Variants in ELF3 observed in about 807,000 individuals in gnomAD.
ELF3 encodes the protein E74 like ETS transcription factor 3, also known as ETS-related transcription factor Elf-3.
ELF3 carries 18 observed loss-of-function variants against 43.9 expected under a neutral mutation model. The observed-to-expected ratio is 0.41, with a 90% confidence interval of 0.28 to 0.61. The LOEUF is 0.61. Among genes scored for constraint, ELF3 ranks in the 20% least tolerant of loss-of-function variants. The pLI, the probability that ELF3 is intolerant of heterozygous loss-of-function variation, is 0.30. For missense variants in ELF3, 373 were observed against 487.7 expected (o/e 0.76, Z 2.21); for synonymous variants, 181 against 190.2 (o/e 0.95, Z 0.40).
At position 202,012,882 on chromosome 1, in the gene ELF3, G is replaced by A; in HGVS notation, c.599-65G>A. On this transcript the variant is annotated intron_variant, in intron 5 of 8. Transcript: ENST00000367284. The surrounding 1 kb of genome is among the most constrained non-coding windows in gnomAD (Gnocchi z 4.2). The stretch of plus-strand genomic sequence containing the variant: ...GAACAGGCTGGGAAGTGTGTCCTGA[G>A]AGCCAGCAGCGTGGTTGAGCAGAGG... 5.1e-6 allele frequency: 8 copies of A among 1,566,278 alleles called. No homozygotes were observed. The highest frequency in any genetic ancestry group is 1.2e-5 in the South Asian group (1 of 81,716).
At position 202,012,705 on chromosome 1, in the gene ELF3, G is replaced by C. The variant is rs780575188; in HGVS notation, c.544G>C (p.Gly182Arg). The change falls in exon 5 of 9, where the codon GGC becomes CGC. Residue 182 changes from glycine (G) to arginine (R), a missense_variant. Gly to Arg is a moderately radical substitution (Grantham distance 125, BLOSUM62 -2). Coordinates refer to ENST00000367284, the MANE Select transcript of ELF3 (RefSeq NM_004433.5). The surrounding 1 kb of genome is among the most constrained non-coding windows in gnomAD (Gnocchi z 4.2). ...TCAGCAAGCCAGCCCCTACCACCCC[G>C]GCAGCTGTGGCGCAGGAGCCCCCTC... is the stretch of plus-strand genomic sequence containing the variant. Reference protein sequence around the residue: ...DGQQASPYHPGSCGAGAPSPG... With the variant: ...DGQQASPYHPRSCGAGAPSPG... The C allele has an allele frequency of 6.2e-7, 1 of 1,606,806 alleles. No individual in the cohort carries two copies. The highest frequency in any genetic ancestry group is 1.3e-5 in the African/African-American group (1 of 74,740).
chr1:202,012,313 G>T lies in ELF3; in HGVS notation c.386-31G>T. ...GAGAGCCCTTGAGGGAGGGATTAGG[G>T]GAGTGTGACCCTTCCTTCCTTCCTT... is the stretch of plus-strand genomic sequence containing the variant. On this transcript the variant is annotated intron_variant, in intron 3 of 8. Transcript: ENST00000367284. The surrounding 1 kb of genome is among the most constrained non-coding windows in gnomAD (Gnocchi z 4.2). The T allele has an allele frequency of 6.2e-7, 1 of 1,612,806 alleles. No homozygotes were observed. Among genetic ancestry groups the T allele is most frequent in the Non-Finnish European group, 8.5e-7 (1 of 1,179,194 alleles).
chr1:202,015,030 C>T lies in ELF3; in HGVS notation c.1002-179C>T, dbSNP rs547955018. 10 of 584,888 alleles carry T rather than the reference C, an allele frequency of 1.7e-5. No individual in the cohort carries two copies. The African/African-American group carries it at 1.9e-4, about 11-fold the overall frequency. 36.2% of individuals were successfully genotyped at this position (584,888 alleles called of 1,614,324 possible). Reference sequence around the variant, plus strand: ...GTTACAGGCCAGTGTAGGGAAAGAGCTTCTGCTTGCCAGTGTGAAGAACAG... The same window carrying T: ...GTTACAGGCCAGTGTAGGGAAAGAGTTTCTGCTTGCCAGTGTGAAGAACAG... On this transcript the variant is annotated intron_variant, in intron 8 of 8. Coordinates refer to ENST00000367284, the MANE Select transcript of ELF3 (RefSeq NM_004433.5).
At chr1:202,011,443 T>TG (rs1684193813) in intron 2 of ELF3, 144 bp downstream of exon 2, 1 of 1,038,800 alleles carries the variant, frequency 9.6e-7, no homozygotes, top group African/African-American at 1.7e-5. Context: ...ACTGAGGTGC[T>TG]GGGGGTTGTG....
rs1684300537 is a variant in ELF3 at position 202,015,878 on chromosome 1, A to G, written c.*555A>G. 2 of 160,008 alleles carry G rather than the reference A, an allele frequency of 1.2e-5. No homozygotes were observed. Among genetic ancestry groups the G allele is most frequent in the Admixed American group, 1.2e-4 (2 of 17,302 alleles). 9.9% of individuals were successfully genotyped at this position (160,008 alleles called of 1,614,324 possible). A position where few individuals can be genotyped will look rare whatever the true frequency, so the allele number is the denominator to read the frequency against. ...ATTCCCCTCCCCACTCCTCTCCCAC[A>G]GAGTGCTGGACTGTTCCAGGCCCTC... is the stretch of plus-strand genomic sequence containing the variant. On this transcript the variant is annotated 3_prime_UTR_variant, in exon 9 of 9. Transcript: ENST00000367284.
rs879094074 is a variant in ELF3 at position 202,010,711 on chromosome 1, G to A, written c.-9+5G>A. On this transcript the variant is annotated splice_donor_5th_base_variant and intron_variant, in intron 1 of 8. Transcript: ENST00000367284. This position sits in a 1 kb window ranked among gnomAD's most constrained non-coding sequence, Gnocchi z 4.3. Reference sequence around the variant, plus strand: ...CAGCCGGACTCCGCCACTCCGGTAGGATTCCCCGCCTGTCATTCCCTAGCC... The same window carrying A: ...CAGCCGGACTCCGCCACTCCGGTAGAATTCCCCGCCTGTCATTCCCTAGCC... 6.2e-6 allele frequency: 1 copy of A among 160,470 alleles called. No individual in the cohort carries two copies. Among genetic ancestry groups the A allele is most frequent in the Admixed American group, 6.1e-5 (1 of 16,438 alleles). 9.9% of individuals were successfully genotyped at this position (160,470 alleles called of 1,614,324 possible).
At chr1:202,011,473 G>C in intron 2 of ELF3, 174 bp downstream of exon 2, 1 of 762,978 alleles carries the variant, frequency 1.3e-6, no homozygotes, top group South Asian at 2.2e-5. Context: ...CAGGCAGAGG[G>C]AGGTGTCAGA....
In ELF3 at chr1:202,013,772, T is replaced by G; in HGVS notation, c.806-57T>G. ...GTGCACTGGGGCGGGCAGGGCTGGC[T>G]GGCCTTGGGTGAGAGGGGACACCTG... On this transcript the variant is annotated intron_variant, in intron 7 of 8. Transcript: ENST00000367284. The surrounding 1 kb of genome is among the most constrained non-coding windows in gnomAD (Gnocchi z 5.7). The G allele has an allele frequency of 1.9e-6, 3 of 1,552,200 alleles. No individual in the cohort carries two copies. The highest frequency in any genetic ancestry group is 2.6e-6 in the Non-Finnish European group (3 of 1,146,806).
At position 202,012,026 on chromosome 1, in the gene ELF3, A is replaced by G. The variant is rs772761140; in HGVS notation, c.233A>G (p.Tyr78Cys). The change falls in exon 3 of 9, where the codon TAC becomes TGC. Residue 78 changes from tyrosine (Y) to cysteine (C), a missense_variant. Transcript: ENST00000367284. This position sits in a 1 kb window ranked among gnomAD's most constrained non-coding sequence, Gnocchi z 4.2. ...ACGCAGGTTCTGGACTGGATCAGCT[A>G]CCAAGTGGAGAAGAACAAGTACGAC... is the stretch of plus-strand genomic sequence containing the variant. ...SKTQVLDWIS[Y>C]QVEKNKYDAS... is the part of the protein sequence containing the mutation. 1.4e-5 allele frequency: 23 copies of G among 1,614,096 alleles called. No individual in the cohort carries two copies. The highest frequency in any genetic ancestry group is 1.9e-5 in the Non-Finnish European group (22 of 1,180,050).
chr1:202,014,593 T>C (rs1684276601), intron 8 of ELF3, among the ~76,000 whole-genome samples: 1 of 151,046 alleles, frequency 6.6e-6, no homozygotes, highest in Non-Finnish European at 1.5e-5. Context: ...ATGCTTGGCC[T>C]TTTCTTTTTT....
intron 2 of ELF3, 158 bp downstream of exon 2, chr1:202,011,457 C>A: frequency 1.1e-6 from 1 of 903,812 alleles, no homozygotes; most frequent in Non-Finnish European, 1.6e-6. Flanking sequence ...GGTTGTGGGG[C>A]TGTGACAGGC....
chr1:202,013,962 A>G lies in ELF3; in HGVS notation c.939A>G (p.Gln313=). Residue 313 remains glutamine (Q), a synonymous_variant, in exon 8 of 9, where the codon CAA becomes CAG. Coordinates refer to ENST00000367284, the MANE Select transcript of ELF3 (RefSeq NM_004433.5). The surrounding 1 kb of genome is among the most constrained non-coding windows in gnomAD (Gnocchi z 5.7). ...TCCTGCGCTCCGAGGCTGTGGCCCA[A>G]CTATGGGGCCAAAAGAAAAAGAACA... ...FKFLRSEAVA[Q]LWGQKKKNSN... The G allele has an allele frequency of 6.2e-7, 1 of 1,613,980 alleles. No homozygotes were observed. Among genetic ancestry groups the G allele is most frequent in the Non-Finnish European group, 8.5e-7 (1 of 1,179,938 alleles).
chr1:202,012,183 G>A lies in ELF3; in HGVS notation c.385+5G>A. The A allele has an allele frequency of 6.2e-7, 1 of 1,612,710 alleles. No individual in the cohort carries two copies. Among genetic ancestry groups the A allele is most frequent in the Non-Finnish European group, 8.5e-7 (1 of 1,179,792 alleles). On this transcript the variant is annotated splice_donor_5th_base_variant and intron_variant, in intron 3 of 8. Transcript: ENST00000367284. This position sits in a 1 kb window ranked among gnomAD's most constrained non-coding sequence, Gnocchi z 4.2. ...ATGCCCAGCTGCGAGACCTCAGTGA[G>A]TCCAGGCCCCTGGAGGCTGGGGAGC...
chr1:202,012,431 C>A lies in ELF3; in HGVS notation c.473C>A (p.Pro158His). Residue 158 changes from proline (P) to histidine (H), a missense_variant, in exon 4 of 9, where the codon CCC becomes CAC. Around this residue, in one of 3 missense-constraint regions of ELF3, gnomAD observed 311 missense variants for 351.2 expected, o/e 0.89. Coordinates refer to ENST00000367284, the MANE Select transcript of ELF3 (RefSeq NM_004433.5). This position sits in a 1 kb window ranked among gnomAD's most constrained non-coding sequence, Gnocchi z 4.2. ...MAFQEALDPG[P>H]FDQGSPFAQE... ...TTCCAGGAGGCCCTAGACCCAGGGC[C>A]CTTTGGTGAGAACCCGTTTTCTCCT... 6.2e-7 allele frequency: 1 copy of A among 1,613,848 alleles called. No individual in the cohort carries two copies. The highest frequency in any genetic ancestry group is 8.5e-7 in the Non-Finnish European group (1 of 1,179,878).
In ELF3 at chr1:202,011,159, G is replaced by C. The variant is rs915660829; in HGVS notation, c.23G>C (p.Ser8Thr). Residue 8 changes from serine to threonine, a missense_variant, in exon 2 of 9, where the codon AGC becomes ACC. Around this residue, in one of 3 missense-constraint regions of ELF3, gnomAD observed 311 missense variants for 351.2 expected, o/e 0.89. Coordinates refer to ENST00000367284, the MANE Select transcript of ELF3 (RefSeq NM_004433.5). MAATCEISNIFSNYFSAM... is the reference protein window; with the variant it reads MAATCEITNIFSNYFSAM... ...CTCATGGCTGCAACCTGTGAGATTA[G>C]CAACATTTTTAGCAACTACTTCAGT... is the stretch of plus-strand genomic sequence containing the variant. The C allele has an allele frequency of 6.2e-7, 1 of 1,614,106 alleles. No homozygotes were observed. Among genetic ancestry groups the C allele is most frequent in the Admixed American group, 1.7e-5 (1 of 60,014 alleles).
rs1176833301 is a variant in ELF3 at position 202,013,205 on chromosome 1, G to A, written c.712G>A (p.Gly238Arg). The A allele has an allele frequency of 2.1e-5, 34 of 1,614,022 alleles. No individual in the cohort carries two copies. The highest frequency in any genetic ancestry group is 1.6e-4 in the Middle Eastern group (1 of 6,084). ...PSDGFRDCKKGDPKHGKRKRG... is the reference protein window; with the variant it reads ...PSDGFRDCKKRDPKHGKRKRG... Reference sequence around the variant, plus strand: ...AGATGGTTTTCGTGACTGCAAGAAGGGGGATCCCAAGCACGGGAAGCGGAA... The same window carrying A: ...AGATGGTTTTCGTGACTGCAAGAAGAGGGATCCCAAGCACGGGAAGCGGAA... The change falls in exon 7 of 9, where the codon GGG (glycine) becomes AGG (arginine). Residue 238 changes from glycine to arginine, a missense_variant. Gly to Arg is a moderately radical substitution (Grantham distance 125). Transcript: ENST00000367284. This position sits in a 1 kb window ranked among gnomAD's most constrained non-coding sequence, Gnocchi z 5.7.
intron 2 of ELF3, 170 bp downstream of exon 2, chr1:202,011,469 G>A: frequency 1.2e-6 from 1 of 805,286 alleles, no homozygotes; most frequent in Non-Finnish European, 1.8e-6. Context: ...GTGACAGGCA[G>A]AGGGAGGTGT....
In ELF3 at chr1:202,013,394, C is replaced by A; in HGVS notation, c.805+96C>A. The A allele has an allele frequency of 7.9e-7, 1 of 1,270,236 alleles. No individual in the cohort carries two copies. Among genetic ancestry groups the A allele is most frequent in the East Asian group, 2.3e-5 (1 of 42,830 alleles). The allele number at this position is 1,270,236 out of a possible 1,614,324, so 78.7% of individuals were successfully genotyped here. On this transcript the variant is annotated intron_variant, in intron 7 of 8. Coordinates refer to ENST00000367284, the MANE Select transcript of ELF3 (RefSeq NM_004433.5). This position sits in a 1 kb window ranked among gnomAD's most constrained non-coding sequence, Gnocchi z 5.7. ...GCAGGTATCCCTTCTCCCGTTTTCT[C>A]TGGCCTCCGCATGGCCTTTGGTAAG... is the stretch of plus-strand genomic sequence containing the variant.
intron 1 of ELF3, 68 bp from the exon 2 acceptor site, chr1:202,011,061 T>G: frequency 6.3e-7 from 1 of 1,577,512 alleles, no homozygotes; most frequent in Non-Finnish European, 8.6e-7. Flanking sequence ...CAAAGCAGAG[T>G]AGCTGGGAGT....
Sources: gnomAD v4.1 joint callset for allele counts (sites outside exome capture counted in the v4.1 genomes callset) on GRCh38, gnomAD v4.1.1 for gene constraint, gnomAD v4.1.1 regional missense constraint, Gnocchi (gnomAD v3.1) non-coding constraint, MANE v1.5 for transcripts, NCBI Gene and HGNC (gene_info 2026-07-23, HGNC 2026-07-21) for gene names.